STAU2: variants seen among roughly 807,000 people sequenced by gnomAD.
STAU2 encodes the protein staufen double-stranded RNA binding protein 2.
Under a neutral mutation model 65.9 loss-of-function variants are expected in STAU2, and 20 were observed. That is an observed-to-expected ratio of 0.30 (90% confidence interval 0.21 to 0.44). The LOEUF (loss-of-function observed/expected upper bound fraction) is 0.44. STAU2 is among the 20% of genes least tolerant of loss of function. The pLI is 1.00. For missense variants in STAU2, 558 were observed against 683.9 expected (o/e 0.82, Z 2.05); for synonymous variants, 232 against 233.9 (o/e 0.99, Z 0.07).
intron 13 of STAU2, among the ~76,000 whole-genome samples, chr8:73,454,901 A>G (rs896292319): frequency 1.3e-5 from 2 of 152,170 alleles, no homozygotes; most frequent in Admixed American, 6.5e-5. Context: ...GCTGCAGCCT[A>G]TGCAGATCTG....
chr8:73,545,889 C>T (rs1472544133), intron 13 of STAU2, among the ~76,000 whole-genome samples: 5 of 151,424 alleles, frequency 3.3e-5, no homozygotes, highest in South Asian at 2.1e-4. Context: ...CCTCGTGATC[C>T]GCCCGCCTTG....
At chr8:73,746,974 G>C, upstream of STAU2, 1 of 658,972 alleles carries the variant, frequency 1.5e-6, no homozygotes, top group Non-Finnish European at 1.9e-6. Flanking sequence ...CTGCGCAGCC[G>C]CTCCCGCGCC....
intron 13 of STAU2, among the ~76,000 whole-genome samples, chr8:73,532,657 T>A (rs1185115657): frequency 6.6e-6 from 1 of 151,870 alleles, no homozygotes; most frequent in African/African-American, 2.4e-5. Context: ...AAAATGAGAG[T>A]CTGGCAACTT....
intron 10 of STAU2, among the ~76,000 whole-genome samples, chr8:73,595,941 G>A (rs1393139892): frequency 3.3e-5 from 5 of 151,866 alleles, no homozygotes; most frequent in East Asian, 1.9e-4. Flanking sequence ...GTGAAACCCC[G>A]TCTCTACTAA....
chr8:73,427,135 T>C (rs1485923918), intron 13 of STAU2, among the ~76,000 whole-genome samples: 1 of 151,688 alleles, frequency 6.6e-6, no homozygotes, highest in Non-Finnish European at 1.5e-5. Context: ...TCCATGTTGG[T>C]CAGGCTGGTC....
At chr8:73,489,258 T>C (rs1215632294) in intron 13 of STAU2, among the ~76,000 whole-genome samples, 1 of 151,894 alleles carries the variant, frequency 6.6e-6, no homozygotes, top group Non-Finnish European at 1.5e-5. Context: ...ATGAAAAAAA[T>C]ATTAATTGCA....
intron 6 of STAU2, among the ~76,000 whole-genome samples, chr8:73,662,599 TTTGTTGTTGTTGTTG>T (rs370019142): frequency 6.6e-6 from 1 of 150,584 alleles, no homozygotes; most frequent in Non-Finnish European, 1.5e-5. Context: ...TTCAGGGGTT[TTTGTTGTTGTTGTTG>T]TTGTTGTTGT....
intron 13 of STAU2, among the ~76,000 whole-genome samples, chr8:73,523,202 A>AAC (rs1175171329): frequency 2.3e-5 from 3 of 131,584 alleles, no homozygotes; most frequent in African/African-American, 9.2e-5. Flanking sequence ...TCTCCAAAAA[A>AAC]AAAAAAAAAA....
intron 13 of STAU2, among the ~76,000 whole-genome samples, chr8:73,484,141 T>G (rs539450682): frequency 6.6e-6 from 1 of 152,126 alleles, no homozygotes; most frequent in South Asian, 2.1e-4. Context: ...AGTCCCTGTG[T>G]TCCTATCAGT....
chr8:73,495,207 T>C (rs1248991443), intron 13 of STAU2, among the ~76,000 whole-genome samples: 1 of 151,584 alleles, frequency 6.6e-6, no homozygotes, highest in African/African-American at 2.4e-5. Flanking sequence ...GTAAGGAAAC[T>C]GATATATTCA....
At chr8:73,655,961 T>C (rs1413778434) in intron 6 of STAU2, among the ~76,000 whole-genome samples, 1 of 151,312 alleles carries the variant, frequency 6.6e-6, no homozygotes, top group Non-Finnish European at 1.5e-5. Flanking sequence ...TTTTTTGTAT[T>C]TTTAGTAGAG....
chr8:73,449,283 G>C (rs191055646), intron 13 of STAU2, among the ~76,000 whole-genome samples: 297 of 152,338 alleles, frequency 1.9e-3, no homozygotes, highest in Non-Finnish European at 2.6e-3. Context: ...GCAGGCATCA[G>C]GATGGGTCCC....
intron 9 of STAU2, among the ~76,000 whole-genome samples, chr8:73,613,485 T>A (rs955177571): frequency 2.0e-5 from 3 of 152,198 alleles, no homozygotes; most frequent in Non-Finnish European, 2.9e-5. Context: ...GTGACATGAA[T>A]GGTAAAGCAC....
intron 9 of STAU2, among the ~76,000 whole-genome samples, chr8:73,604,489 C>G (rs780240805): frequency 4.6e-4 from 70 of 152,094 alleles, no homozygotes; most frequent in Non-Finnish European, 8.2e-4. Flanking sequence ...CCTTGGCCTC[C>G]CAAAGTGCTG....
chr8:73,746,743 A>G (rs559483380), intron 1 of STAU2, 40 bp downstream of exon 1: 2 of 1,166,862 alleles, frequency 1.7e-6, no homozygotes, highest in South Asian at 4.3e-5. Context: ...GGCGGCGCGG[A>G]AGTCGGGGTC....
chr8:73,534,990 T>G (rs529750737), intron 13 of STAU2, among the ~76,000 whole-genome samples: 1 of 152,356 alleles, frequency 6.6e-6, no homozygotes, highest in African/African-American at 2.4e-5. Context: ...GCTTTGAAAA[T>G]TACATGCTTA....
chr8:73,425,619 ATCTC>A (rs57368986), intron 13 of STAU2, among the ~76,000 whole-genome samples: 6 of 149,944 alleles, frequency 4.0e-5, no homozygotes, highest in African/African-American at 9.8e-5. Context: ...GGATAGCAAA[ATCTC>A]TCTCTCTCTC....
At chr8:73,726,222 T>C (rs966656546) in intron 3 of STAU2, among the ~76,000 whole-genome samples, 8 of 152,074 alleles carry the variant, frequency 5.3e-5, no homozygotes, top group South Asian at 2.1e-4. Context: ...AAGTGGGAGC[T>C]AAATTTGTGA....
chr8:73,697,376 C>A (rs979757340), intron 4 of STAU2: 2 of 152,116 alleles, frequency 1.3e-5, no homozygotes, highest in Admixed American at 6.5e-5. Context: ...CCCAGACAAA[C>A]AAAAGCCGAA....
Sources: gnomAD v4.1 joint callset for allele counts (sites outside exome capture counted in the v4.1 genomes callset) on GRCh38, gnomAD v4.1.1 for gene constraint, MANE v1.5 for transcripts, NCBI Gene and HGNC (gene_info 2026-07-23, HGNC 2026-07-21) for gene names.